HNRNPM: variants seen among roughly 807,000 people sequenced by gnomAD.
HNRNPM encodes CEA receptor.
HNRNPM carries 11 observed loss-of-function variants against 73.1 expected under a neutral mutation model. The ratio of observed to expected loss-of-function variants is 0.15; its 90% CI spans 0.09 to 0.25. The LOEUF (loss-of-function observed/expected upper bound fraction) is 0.25, where lower values mean the gene tolerates loss of function less well. Ranked by LOEUF, HNRNPM falls within the 10% of genes least tolerant of loss-of-function variation. The probability of loss-of-function intolerance (pLI) is 1.00; values close to 1 mark genes in which losing one functional copy is unlikely to be tolerated. For missense variants in HNRNPM, 789 were observed against 1,067.9 expected (o/e 0.74, Z 3.64); for synonymous variants, 407 against 355.2 (o/e 1.15, Z -1.64).
chr19:8,463,566 T>G (rs377473478), intron 4 of HNRNPM, 27 bp from the exon 5 acceptor site: 64 of 1,612,582 alleles, frequency 4.0e-5, no homozygotes, highest in Admixed American at 1.7e-5. Flanking sequence ...CTGGTTTCAC[T>G]CGACTCGTTT....
At position 8,471,481 on chromosome 19, in the gene HNRNPM, T is replaced by C. The variant is rs376330788; in HGVS notation, c.997+54T>C. The C allele has an allele frequency of 1.5e-5, 16 of 1,100,798 alleles. 1 individual carries two copies. The highest frequency in any genetic ancestry group is 7.8e-5 in the East Asian group (3 of 38,508). The allele number at this position is 1,100,798 out of a possible 1,614,324, so 68.2% of individuals were successfully genotyped here. A position where few individuals can be genotyped will look rare whatever the true frequency, so the allele number is the denominator to read the frequency against. ...GGTTTGGGGAAGTGAAAATTATTAA[T>C]TATTGGGACAACTGGACTTTGAGTA... On this transcript the variant is annotated intron_variant, in intron 10 of 15. Transcript: ENST00000325495.
chr19:8,470,026 C>T (rs1970020462), intron 9 of HNRNPM, among the ~76,000 whole-genome samples: 1 of 152,236 alleles, frequency 6.6e-6, no homozygotes, highest in Admixed American at 6.5e-5. Context: ...TGTCAGTGTG[C>T]TCACCTGAGC....
At position 8,451,126 on chromosome 19, in the gene HNRNPM, C is replaced by T. The variant is rs190651055; in HGVS notation, c.114-4279C>T. ...TTCACCATGTTGGCCAGGCTGGTCT[C>T]AAACTCCTGACCTAAGATAATCCAC... On this transcript the variant is annotated intron_variant, in intron 1 of 15. Coordinates refer to ENST00000325495, the MANE Select transcript of HNRNPM (RefSeq NM_005968.5). Among the ~76,000 whole-genome samples, 771 of 151,698 alleles carry T rather than the reference C, an allele frequency of 5.1e-3. 10 individuals are homozygous for T. The highest frequency in any genetic ancestry group is 0.018 in the African/African-American group (726 of 41,342).
chr19:8,473,556 G>A (rs1970304371), intron 10 of HNRNPM, 108 bp from the exon 11 acceptor site: 6 of 721,754 alleles, frequency 8.3e-6, no homozygotes. Flanking sequence ...TTGTCATCAG[G>A]GATTTTCTTT....
At chr19:8,460,010 G>A (rs1969293214) in intron 2 of HNRNPM, among the ~76,000 whole-genome samples, 1 of 152,096 alleles carries the variant, frequency 6.6e-6, no homozygotes, top group African/African-American at 2.4e-5. Flanking sequence ...TTTACACAGG[G>A]GGAGGAGCAA....
chr19:8,471,801 G>A (rs746808183), intron 10 of HNRNPM, among the ~76,000 whole-genome samples: 4 of 152,144 alleles, frequency 2.6e-5, no homozygotes, highest in Non-Finnish European at 5.9e-5. Context: ...CCTGAAAAGT[G>A]TCTTACCAAG....
chr19:8,479,247 T>A (rs1264551433), intron 12 of HNRNPM, among the ~76,000 whole-genome samples: 1 of 151,604 alleles, frequency 6.6e-6, no homozygotes, highest in Non-Finnish European at 1.5e-5. Context: ...CCCAGCTAAT[T>A]TTCTTGTATT....
rs1969671941 is a variant in HNRNPM at position 8,465,330 on chromosome 19, G to T, written c.445G>T (p.Asp149Tyr). The T allele has an allele frequency of 1.2e-6, 2 of 1,605,124 alleles. No homozygotes were observed. Among genetic ancestry groups the T allele is most frequent in the Non-Finnish European group, 1.7e-6 (2 of 1,176,180 alleles). Reference protein sequence around the residue: ...GRPLKVKEDPDGEHARRAMQK... With the variant: ...GRPLKVKEDPYGEHARRAMQK... ...CCTTTTGTGCTTGTTTTAGGATCCT[G>T]ATGGTGAACATGCCAGGAGAGCAAT... Residue 149 changes from aspartate to tyrosine, a missense_variant, in exon 6 of 16, where the codon GAT becomes TAT. This residue lies in a region of HNRNPM where 63 missense variants were observed against 147.4 expected (regional missense o/e 0.43). Coordinates refer to ENST00000325495, the MANE Select transcript of HNRNPM (RefSeq NM_005968.5).
Position 8,455,593 on chromosome 19 carries a change from G to A in HNRNPM, c.283+19G>A. ...GAAAAAGGTAATGGTACTGGTGATT[G>A]AGTAGGGTGAGAAGGTTGGTGTGTC... On this transcript the variant is annotated intron_variant, in intron 2 of 15. Coordinates refer to ENST00000325495, the MANE Select transcript of HNRNPM (RefSeq NM_005968.5). 6.2e-7 allele frequency: 1 copy of A among 1,600,510 alleles called. No homozygotes were observed. The highest frequency in any genetic ancestry group is 1.1e-5 in the South Asian group (1 of 90,470).
intron 5 of HNRNPM, among the ~76,000 whole-genome samples, chr19:8,465,101 G>A (rs1969654398): frequency 6.6e-6 from 1 of 152,154 alleles, no homozygotes. Context: ...TGAGAGCTGT[G>A]TTTTTAGTGC....
chr19:8,486,300 G>C lies in HNRNPM; in HGVS notation c.1872G>C (p.Glu624Asp). 1 of 1,600,538 alleles carries C rather than the reference G, an allele frequency of 6.2e-7. No homozygotes were observed. ...GGGASFDRAIEMERGNFGGSF... is the reference protein window; with the variant it reads ...GGGASFDRAIDMERGNFGGSF... ...GTGCCAGCTTTGACCGTGCCATCGA[G>C]ATGGAGCGTGGCAACTTCGGAGGAA... Residue 624 changes from glutamate to aspartate, a missense_variant, in exon 14 of 16, where the codon GAG becomes GAC. Physicochemically the swap from Glu to Asp is conservative, Grantham distance 45. Coordinates refer to ENST00000325495, the MANE Select transcript of HNRNPM (RefSeq NM_005968.5).
At chr19:8,466,089 A>T (rs1051991810) in intron 6 of HNRNPM, 146 bp from the exon 7 acceptor site, 1 of 730,270 alleles carries the variant, frequency 1.4e-6, no homozygotes, top group Non-Finnish European at 2.3e-6. Flanking sequence ...ATCCTATTTT[A>T]AAATTTCCAT....
chr19:8,459,947 A>G (rs973774804), intron 2 of HNRNPM, among the ~76,000 whole-genome samples: 1 of 152,226 alleles, frequency 6.6e-6, no homozygotes, highest in Admixed American at 6.5e-5. Flanking sequence ...TTTAAGCTGC[A>G]GTAGAATTTG....
At chr19:8,456,518 A>G (rs1265741562) in intron 2 of HNRNPM, among the ~76,000 whole-genome samples, 3 of 152,210 alleles carry the variant, frequency 2.0e-5, no homozygotes, top group Non-Finnish European at 4.4e-5. Context: ...GAGTCTTTGC[A>G]TGACTGAAAG....
In HNRNPM at chr19:8,455,550, C is replaced by G; in HGVS notation, c.259C>G (p.Leu87Val). 3 of 1,613,722 alleles carry G rather than the reference C, an allele frequency of 1.9e-6. No homozygotes were observed. Among genetic ancestry groups the G allele is most frequent in the Non-Finnish European group, 2.5e-6 (3 of 1,179,830 alleles). ...ACCTTTTGATGTGAAATGGCAGTCACTTAAAGACCTGGTTAAAGAAAAAGG... is the reference window on the plus strand; with the variant it reads ...ACCTTTTGATGTGAAATGGCAGTCAGTTAAAGACCTGGTTAAAGAAAAAGG... ...NIPFDVKWQS[L>V]KDLVKEKVGE... is the part of the protein sequence containing the mutation. Residue 87 changes from leucine to valine, a missense_variant, in exon 2 of 16, where the codon CTT becomes GTT. Leu to Val is a conservative substitution (Grantham distance 32, BLOSUM62 1). Coordinates refer to ENST00000325495, the MANE Select transcript of HNRNPM (RefSeq NM_005968.5).
At position 8,489,060 on chromosome 19, in the gene HNRNPM, T is replaced by A; in HGVS notation, c.*206T>A. ...ATGTGCGCAATTTTTTTTGTAGTTGTGGCATCTTGTTGACATCGAATATGA... is the reference window on the plus strand; with the variant it reads ...ATGTGCGCAATTTTTTTTGTAGTTGAGGCATCTTGTTGACATCGAATATGA... On this transcript the variant is annotated 3_prime_UTR_variant, in exon 16 of 16. Coordinates refer to ENST00000325495, the MANE Select transcript of HNRNPM (RefSeq NM_005968.5). The A allele has an allele frequency of 1.9e-6, 1 of 518,092 alleles. No individual in the cohort carries two copies. The highest frequency in any genetic ancestry group is 3.4e-6 in the Non-Finnish European group (1 of 290,020). The allele number at this position is 518,092 out of a possible 1,614,324, so 32.1% of individuals were successfully genotyped here.
chr19:8,445,498 C>T (rs1380219361), intron 1 of HNRNPM: 9 of 167,180 alleles, frequency 5.4e-5, no homozygotes, highest in South Asian at 3.9e-4. Flanking sequence ...GTCCCCTCTC[C>T]TCCCGGGGTC....
chr19:8,471,601 A>G (rs1970143341), intron 10 of HNRNPM, among the ~76,000 whole-genome samples, 174 bp downstream of exon 10: 1 of 152,198 alleles, frequency 6.6e-6, no homozygotes, highest in Non-Finnish European at 1.5e-5. Flanking sequence ...ATTTTTATCA[A>G]GTTGAGTCAT....
intron 1 of HNRNPM, among the ~76,000 whole-genome samples, chr19:8,448,575 T>A (rs1968382866): frequency 6.6e-6 from 1 of 151,766 alleles, no homozygotes; most frequent in Non-Finnish European, 1.5e-5. Flanking sequence ...CTTCCCGGGT[T>A]CACGCCATTC....
Sources: gnomAD v4.1 joint callset for allele counts (sites outside exome capture counted in the v4.1 genomes callset) on GRCh38, gnomAD v4.1.1 for gene constraint, gnomAD v4.1.1 regional missense constraint, MANE v1.5 for transcripts, NCBI Gene and HGNC (gene_info 2026-07-23, HGNC 2026-07-21) for gene names.